Variants in UNC13C observed in about 807,000 individuals in gnomAD.
The protein encoded by UNC13C is protein unc-13 homolog C.
A neutral mutation model predicts 245.4 loss-of-function variants in UNC13C; 174 were observed. That is an observed-to-expected ratio of 0.71 (90% CI 0.63 to 0.80). The LOEUF (loss-of-function observed/expected upper bound fraction) is 0.80, where lower values mean the gene tolerates loss of function less well. Ranked by LOEUF, UNC13C falls within the 30% of genes least tolerant of loss-of-function variation. UNC13C has a pLI of 0.00. For synonymous variants in UNC13C, 992 were observed against 895.1 expected (o/e 1.11, Z -1.93); for missense variants, 2,829 against 2,602.9 (o/e 1.09, Z -1.89).
chr15:54,302,771 T>C (rs2037622007), intron 13 of UNC13C, among the ~76,000 whole-genome samples: 1 of 152,122 alleles, frequency 6.6e-6, no homozygotes, highest in African/African-American at 2.4e-5. Flanking sequence ...TTTTATTCCA[T>C]ATGAAATTTA....
intron 30 of UNC13C, among the ~76,000 whole-genome samples, chr15:54,572,336 G>A (rs1465970769): frequency 6.6e-6 from 1 of 151,208 alleles, no homozygotes; most frequent in African/African-American, 2.4e-5. Context: ...GTATTATCTG[G>A]GAAAAAAATT....
chr15:54,321,882 G>T lies in UNC13C; in HGVS notation c.4269-57G>T, dbSNP rs1227834746. On this transcript the variant is annotated intron_variant, in intron 13 of 32. Transcript: ENST00000260323. Reference sequence around the variant, plus strand: ...AATTGCTGATGTTAGAAGCTCTGTTGTTGTATGAATTAATTAATTTCTGTC... The same window carrying T: ...AATTGCTGATGTTAGAAGCTCTGTTTTTGTATGAATTAATTAATTTCTGTC... 4 of 1,476,042 alleles carry T rather than the reference G, an allele frequency of 2.7e-6. No individual in the cohort carries two copies. In the African/African-American group the frequency reaches 4.3e-5, roughly 16 times the overall value. 91.4% of individuals were successfully genotyped at this position (1,476,042 alleles called of 1,614,324 possible). A position where few individuals can be genotyped will look rare whatever the true frequency, so the allele number is the denominator to read the frequency against.
At chr15:54,177,521 G>T (rs532768524) in intron 4 of UNC13C, among the ~76,000 whole-genome samples, 46 of 152,248 alleles carry the variant, frequency 3.0e-4, no homozygotes, top group South Asian at 1.0e-3. Context: ...TCACTAAGAG[G>T]TTAAAGAGAG....
At chr15:54,479,842 G>A (rs1232599811) in intron 19 of UNC13C, among the ~76,000 whole-genome samples, 1 of 151,980 alleles carries the variant, frequency 6.6e-6, no homozygotes, top group African/African-American at 2.4e-5. Context: ...GGCCTGTGTA[G>A]TGGTGATGAA....
intron 19 of UNC13C, among the ~76,000 whole-genome samples, chr15:54,448,999 G>C (rs1008117506): frequency 6.6e-6 from 1 of 152,130 alleles, no homozygotes; most frequent in Non-Finnish European, 1.5e-5. Flanking sequence ...GCATTTGCTT[G>C]TCTGTAAAGG....
intron 17 of UNC13C, among the ~76,000 whole-genome samples, chr15:54,387,495 C>T (rs1250695110): frequency 1.3e-5 from 2 of 152,012 alleles, no homozygotes; most frequent in African/African-American, 2.4e-5. Context: ...CTTTCTTCCC[C>T]ATTTTGATTT....
In UNC13C at chr15:54,268,676, C is replaced by A. The variant is rs1035223252; in HGVS notation, c.3818+3180C>A. Reference sequence around the variant, plus strand: ...AGTGCTCAATTTCAGGCTAATTATTCCCCATATAATGAAGGCAAGACTCTT... The same window carrying A: ...AGTGCTCAATTTCAGGCTAATTATTACCCATATAATGAAGGCAAGACTCTT... On this transcript the variant is annotated intron_variant, in intron 10 of 32. Transcript: ENST00000260323. Among the ~76,000 whole-genome samples the A allele has an allele frequency of 9.2e-5, 14 of 152,106 alleles. No individual in the cohort carries two copies. The South Asian group carries it at 2.9e-3, about 32-fold the overall frequency.
chr15:54,237,550 C>T, intron 6 of UNC13C, 69 bp from the exon 7 acceptor site: 2 of 1,193,296 alleles, frequency 1.7e-6, no homozygotes, highest in Non-Finnish European at 2.5e-6. Context: ...GCATTTTCAC[C>T]TTCTGCTGAG....
intron 19 of UNC13C, among the ~76,000 whole-genome samples, chr15:54,465,757 A>T (rs1892132094): frequency 6.6e-6 from 1 of 152,062 alleles, no homozygotes; most frequent in Admixed American, 6.5e-5. Flanking sequence ...AATGAGGATT[A>T]GACTTTGGAA....
chr15:54,366,763 T>C (rs971617084), intron 17 of UNC13C, among the ~76,000 whole-genome samples: 1 of 152,158 alleles, frequency 6.6e-6, no homozygotes, highest in Non-Finnish European at 1.5e-5. Context: ...ATGAATGGTG[T>C]TTTGTTAATG....
intron 24 of UNC13C, among the ~76,000 whole-genome samples, chr15:54,519,055 C>T (rs1421367058): frequency 1.3e-5 from 2 of 152,138 alleles, no homozygotes; most frequent in Non-Finnish European, 2.9e-5. Flanking sequence ...CTTCAGTCCC[C>T]ATGTGGCTCC....
Position 54,321,997 on chromosome 15 carries a change from A to C in UNC13C, c.4327A>C (p.Thr1443Pro), listed in dbSNP as rs201050451. 8.5e-5 allele frequency: 135 copies of C among 1,589,020 alleles called. 1 individual carries two copies. Among genetic ancestry groups the C allele is most frequent in the African/African-American group, 4.6e-4 (34 of 74,642 alleles). Residue 1443 changes from threonine (T) to proline (P), a missense_variant, in exon 14 of 33, where the codon ACC (threonine) becomes CCC (proline). Coordinates refer to ENST00000260323, the MANE Select transcript of UNC13C (RefSeq NM_001080534.3). ...MCPGVPAVMSTLLANINAFYA... is the reference protein window; with the variant it reads ...MCPGVPAVMSPLLANINAFYA... ...CCCCGGTGTCCCTGCCGTCATGAGCACCTTGCTGGCTAATATAAATGCTTT... is the reference window on the plus strand; with the variant it reads ...CCCCGGTGTCCCTGCCGTCATGAGCCCCTTGCTGGCTAATATAAATGCTTT...
At chr15:54,479,576 T>A (rs1892988209) in intron 19 of UNC13C, among the ~76,000 whole-genome samples, 1 of 152,156 alleles carries the variant, frequency 6.6e-6, no homozygotes, top group Non-Finnish European at 1.5e-5. Flanking sequence ...TTCCAGGTTA[T>A]CATTGTTAGG....
chr15:54,487,792 C>G (rs28703695), intron 19 of UNC13C, among the ~76,000 whole-genome samples: 10 of 116,512 alleles, frequency 8.6e-5, no homozygotes, highest in African/African-American at 2.4e-4. Flanking sequence ...AAAAAAAAGA[C>G]AGAGAGAGAG....
chr15:54,155,858 C>T (rs2032722358), intron 4 of UNC13C, among the ~76,000 whole-genome samples: 1 of 151,948 alleles, frequency 6.6e-6, no homozygotes, highest in Admixed American at 6.6e-5. Context: ...AAAATGCAGA[C>T]CAGAAAGCAG....
chr15:54,000,080 C>A (rs1894815745), intron 1 of UNC13C, among the ~76,000 whole-genome samples: 1 of 152,030 alleles, frequency 6.6e-6, no homozygotes, highest in Admixed American at 6.5e-5. Flanking sequence ...ATTTTCCTTA[C>A]TTCAAAGACA....
chr15:54,270,233 A>C (rs1253519998), intron 10 of UNC13C, among the ~76,000 whole-genome samples: 1 of 152,232 alleles, frequency 6.6e-6, no homozygotes, highest in Non-Finnish European at 1.5e-5. Flanking sequence ...ATGAGTTCAC[A>C]GTGAATTTAT....
At chr15:54,178,954 A>C (rs1292292408) in intron 4 of UNC13C, among the ~76,000 whole-genome samples, 1 of 152,176 alleles carries the variant, frequency 6.6e-6, no homozygotes, top group Admixed American at 6.6e-5. Flanking sequence ...GGAAGGGCAA[A>C]CAGAAAAACC....
At chr15:54,062,647 T>A (rs1176790532) in intron 2 of UNC13C, among the ~76,000 whole-genome samples, 4 of 152,184 alleles carry the variant, frequency 2.6e-5, no homozygotes, top group African/African-American at 9.7e-5. Context: ...TAGTTTGTTG[T>A]CCTTAGACCA....
Sources: gnomAD v4.1 joint callset for allele counts (sites outside exome capture counted in the v4.1 genomes callset) on GRCh38, gnomAD v4.1.1 for gene constraint, MANE v1.5 for transcripts, NCBI Gene and HGNC (gene_info 2026-07-23, HGNC 2026-07-21) for gene names.